SALL4: variants seen among roughly 807,000 people sequenced by gnomAD.
The protein encoded by SALL4 is sal-like protein 4.
In SALL4, 4 loss-of-function variants were observed where a neutral mutation model predicts 60.8. That is an observed-to-expected ratio of 0.07 (90% CI 0.03 to 0.15). The LOEUF (loss-of-function observed/expected upper bound fraction) is 0.15, where lower values mean the gene tolerates loss of function less well. Ranked by LOEUF, SALL4 falls within the 10% of genes least tolerant of loss-of-function variation. The pLI is 1.00. For missense variants in SALL4, 1,178 were observed against 1,394.7 expected, an observed-to-expected ratio of 0.84 and a Z score of 2.48; for synonymous variants, 580 against 574.9, an observed-to-expected ratio of 1.01 and a Z score of -0.13.
intron 3 of SALL4, among the ~76,000 whole-genome samples, chr20:51,785,077 C>T (rs1335596379): frequency 6.6e-6 from 1 of 152,032 alleles, no homozygotes; most frequent in Non-Finnish European, 1.5e-5. Context: ...CTGAGGTGGG[C>T]AGATCACTTG....
At position 51,783,775 on chromosome 20, in the gene SALL4, C is replaced by A; in HGVS notation, c.*490G>T. ...TGGTAGCTCATGCCTGTAATCCCAG[C>A]ACTTTGGGAGGCCAAGGCGGGTGGA... On this transcript the variant is annotated 3_prime_UTR_variant, in exon 4 of 4. Coordinates refer to ENST00000217086, the MANE Select transcript of SALL4 (RefSeq NM_020436.5). 6.0e-6 allele frequency: 1 copy of A among 165,588 alleles called. No homozygotes were observed. The highest frequency in any genetic ancestry group is 5.6e-5 in the Admixed American group (1 of 17,742). 10.3% of individuals were successfully genotyped at this position (165,588 alleles called of 1,614,324 possible). A position where few individuals can be genotyped will look rare whatever the true frequency, so the allele number is the denominator to read the frequency against.
At chr20:51,796,354 C>T (rs561801383) in intron 1 of SALL4, among the ~76,000 whole-genome samples, 4 of 152,264 alleles carry the variant, frequency 2.6e-5, no homozygotes, top group African/African-American at 9.6e-5. Flanking sequence ...ATACTTCATA[C>T]TCTTACACCT....
intron 1 of SALL4, among the ~76,000 whole-genome samples, chr20:51,796,668 A>T (rs181208702): frequency 1.4e-4 from 22 of 152,312 alleles, no homozygotes; most frequent in Admixed American, 1.3e-3. Flanking sequence ...GCTCAAGATG[A>T]CATACTGCTT....
rs1443226512 is a variant in SALL4, at chr20:51,790,915, C to G, written c.1568G>C (p.Gly523Ala). Residue 523 changes from glycine to alanine, a missense_variant, in exon 2 of 4, where the codon GGG becomes GCG. By Grantham distance (60) the Gly-to-Ala change is moderately conservative (BLOSUM62 0). Around this residue, in one of 5 missense-constraint regions of SALL4, gnomAD observed 853 missense variants for 1,036.8 expected, o/e 0.82. Transcript: ENST00000217086. The surrounding 1 kb of genome is among the most constrained non-coding windows in gnomAD (Gnocchi z 5.5). ...TGGGGAATTATAGTTTGGTCCCACC[C>G]CAGGGAGTGTGGGTCCACCCTCACT... ...PESEGGPTLP[G>A]VGPNYNSPRA... 1.2e-6 allele frequency: 2 copies of G among 1,614,006 alleles called. No individual in the cohort carries two copies.
chr20:51,797,282 G>T (rs1439478162), intron 1 of SALL4: 2 of 151,520 alleles, frequency 1.3e-5, no homozygotes, highest in Non-Finnish European at 2.9e-5. Flanking sequence ...CATTTTTGAT[G>T]ACTGTATTTC....
Position 51,791,262 on chromosome 20 carries a change from C to A in SALL4, c.1221G>T (p.Glu407Asp), listed in dbSNP as rs769753048. ...CACAGACAGAGCACACGAAGGGTCT[C>A]TCTCCAGTGTGGGAGCGGAGGTGGA... ...LQIHLRSHTG[E>D]RPFVCSVCGH... The change falls in exon 2 of 4, where the codon GAG becomes GAT. Residue 407 changes from glutamate to aspartate, a missense_variant. Physicochemically the swap from Glu to Asp is conservative, Grantham distance 45. This residue lies in a region of SALL4 where 853 missense variants were observed against 1,036.8 expected (regional missense o/e 0.82). Coordinates refer to ENST00000217086, the MANE Select transcript of SALL4 (RefSeq NM_020436.5). This position sits in a 1 kb window ranked among gnomAD's most constrained non-coding sequence, Gnocchi z 4.6. 1.9e-6 allele frequency: 3 copies of A among 1,614,044 alleles called. No homozygotes were observed. The African/African-American group carries it at 4.0e-5, about 22-fold the overall frequency.
At chr20:51,802,211 C>A (rs2078114711) in intron 1 of SALL4, 68 bp downstream of exon 1, 5 of 1,501,358 alleles carry the variant, frequency 3.3e-6, no homozygotes, top group Non-Finnish European at 3.5e-6. Context: ...CCGAAGCCTG[C>A]GCCCTCGAGG....
At position 51,790,596 on chromosome 20, in the gene SALL4, G is replaced by C; in HGVS notation, c.1887C>G (p.Pro629=). Residue 629 remains proline (P), a synonymous_variant, in exon 2 of 4, where the codon CCC becomes CCG. Transcript: ENST00000217086. This position sits in a 1 kb window ranked among gnomAD's most constrained non-coding sequence, Gnocchi z 5.5. ...NTSIKTQHSC[P]ICQKKFTNAV... ...CATTAGTGAACTTCTTCTGGCAGAT[G>C]GGGCACGAATGCTGCGTCTTAATGG... 6.2e-7 allele frequency: 1 copy of C among 1,614,152 alleles called. No homozygotes were observed. Among genetic ancestry groups the C allele is most frequent in the Non-Finnish European group, 8.5e-7 (1 of 1,180,028 alleles).
chr20:51,802,189 G>A, intron 1 of SALL4, 90 bp downstream of exon 1: 1 of 1,454,402 alleles, frequency 6.9e-7, no homozygotes, highest in South Asian at 1.4e-5. Context: ...TGCGCTGGAC[G>A]CCGCCCGCTC....
In SALL4 at chr20:51,791,988, G is replaced by T. The variant is rs776776548; in HGVS notation, c.495C>A (p.Pro165=). The change falls in exon 2 of 4, where the codon CCC becomes CCA. Residue 165 remains proline (P), a synonymous_variant. Transcript: ENST00000217086. The surrounding 1 kb of genome is among the most constrained non-coding windows in gnomAD (Gnocchi z 4.6). ...CTTTGGCTAAATAGCTTATGTCCTG[G>T]GGGGTGGGTGGCAGGGCTGTCTCTG... ...LKTETALPPT[P]QDISYLAKGK... is the part of the protein sequence containing the mutation. The T allele has an allele frequency of 1.1e-5, 17 of 1,614,042 alleles. No individual in the cohort carries two copies. Among genetic ancestry groups the T allele is most frequent in the Middle Eastern group, 1.6e-4 (1 of 6,084 alleles).
At chr20:51,793,886 G>T (rs775171025) in intron 1 of SALL4, among the ~76,000 whole-genome samples, 1 of 152,040 alleles carries the variant, frequency 6.6e-6, no homozygotes, top group Non-Finnish European at 1.5e-5. Context: ...GGTGGGTCAG[G>T]GGAAGAGACA....
intron 3 of SALL4, 26 bp from the exon 4 acceptor site, chr20:51,784,710 T>C: frequency 6.2e-7 from 1 of 1,614,068 alleles, no homozygotes; most frequent in Non-Finnish European, 8.5e-7. Context: ...AGAAAGGTTT[T>C]TACCAAAATA....
Position 51,792,289 on chromosome 20 carries a change from C to T in SALL4, c.194G>A (p.Arg65Gln), listed in dbSNP as rs2078051903. Residue 65 changes from arginine to glutamine, a missense_variant, in exon 2 of 4, where the codon CGG (arginine) becomes CAG (glutamine). Coordinates refer to ENST00000217086, the MANE Select transcript of SALL4 (RefSeq NM_020436.5). The stretch of plus-strand genomic sequence containing the variant: ...GACGTGCGTCTCCTCCCGACGAAGC[C>T]GCTTTACTGTGGCTTCATCCTCACT... ...VASEDEATVK[R>Q]LRREETHVCE... 4.3e-6 allele frequency: 7 copies of T among 1,610,618 alleles called. No homozygotes were observed. Among genetic ancestry groups the T allele is most frequent in the Non-Finnish European group, 5.9e-6 (7 of 1,180,034 alleles).
At chr20:51,799,043 C>A (rs767966975) in intron 1 of SALL4, among the ~76,000 whole-genome samples, 2 of 152,068 alleles carry the variant, frequency 1.3e-5, no homozygotes, top group Admixed American at 6.5e-5. Flanking sequence ...TTAAAGATAG[C>A]GCACTCGAGT....
At position 51,791,644 on chromosome 20, in the gene SALL4, C is replaced by T. The variant is rs2078043621; in HGVS notation, c.839G>A (p.Gly280Glu). 1 of 1,613,942 alleles carries T rather than the reference C, an allele frequency of 6.2e-7. No individual in the cohort carries two copies. Residue 280 changes from glycine to glutamate, a missense_variant, in exon 2 of 4, where the codon GGA becomes GAA. Coordinates refer to ENST00000217086, the MANE Select transcript of SALL4 (RefSeq NM_020436.5). The surrounding 1 kb of genome is among the most constrained non-coding windows in gnomAD (Gnocchi z 4.6). ...AAVALLSQKA[G>E]SQGLSLDALK... ...GGCATCCAGAGACAGACCTTGGCTT[C>T]CAGCTTTCTGGCTGAGCAAAGCCAC...
intron 1 of SALL4, chr20:51,792,899 A>G (rs1319746840): frequency 4.0e-6 from 4 of 1,004,134 alleles, no homozygotes; most frequent in Non-Finnish European, 4.8e-6. Context: ...CCTCTCAGGT[A>G]TACCCCATCA....
rs779061402 is a variant in SALL4, at chr20:51,788,504, C to T, written c.2742+357G>A. Among the ~76,000 whole-genome samples, 17 of 152,194 alleles carry T rather than the reference C, an allele frequency of 1.1e-4. No individual in the cohort carries two copies. The highest frequency in any genetic ancestry group is 3.4e-3 in the Middle Eastern group (1 of 294). ...AGGAGATCGAGACCATCCTGGCTAA[C>T]GCGGTGAAACCCCACCTCTACTAAA... On this transcript the variant is annotated intron_variant, in intron 3 of 3. Coordinates refer to ENST00000217086, the MANE Select transcript of SALL4 (RefSeq NM_020436.5). This position sits in a 1 kb window ranked among gnomAD's most constrained non-coding sequence, Gnocchi z 4.1.
chr20:51,800,616 G>A (rs1041041133), intron 1 of SALL4, among the ~76,000 whole-genome samples: 2 of 152,182 alleles, frequency 1.3e-5, no homozygotes, highest in African/African-American at 4.8e-5. Context: ...CCAGGGGAGG[G>A]GTCAGAACCA....
At chr20:51,798,788 A>G (rs1181099711) in intron 1 of SALL4, among the ~76,000 whole-genome samples, 1 of 152,108 alleles carries the variant, frequency 6.6e-6, no homozygotes, top group Non-Finnish European at 1.5e-5. Context: ...CGAAGATGCC[A>G]AAAAGAACAT....
Sources: gnomAD v4.1 joint callset for allele counts (sites outside exome capture counted in the v4.1 genomes callset) on GRCh38, gnomAD v4.1.1 for gene constraint, gnomAD v4.1.1 regional missense constraint, Gnocchi (gnomAD v3.1) non-coding constraint, MANE v1.5 for transcripts, NCBI Gene and HGNC (gene_info 2026-07-23, HGNC 2026-07-21) for gene names.